Variants in PEBP4 observed in about 807,000 individuals in gnomAD.
PEBP4 encodes phosphatidylethanolamine binding protein 4, also known as phosphatidylethanolamine-binding protein 4.
PEBP4 carries 22 observed loss-of-function variants against 23.9 expected under a neutral mutation model. The observed-to-expected ratio is 0.92, with a 90% CI of 0.66 to 1.31. The LOEUF (loss-of-function observed/expected upper bound fraction) is 1.31. PEBP4 is among the 40% of genes most tolerant of loss of function. The pLI is 0.00. For synonymous variants in PEBP4, 112 were observed against 99.3 expected, an observed-to-expected ratio of 1.13 and a Z score of -0.76; for missense variants, 324 against 281.7, an observed-to-expected ratio of 1.15 and a Z score of -1.07.
intron 3 of PEBP4, among the ~76,000 whole-genome samples, chr8:22,851,332 G>A (rs1807544922): frequency 6.6e-6 from 1 of 152,152 alleles, no homozygotes; most frequent in Non-Finnish European, 1.5e-5. Flanking sequence ...GCCTTTCTTT[G>A]TGACTTTGCA....
At chr8:22,728,556 CTTT>C in intron 4 of PEBP4, among the ~76,000 whole-genome samples, 9 of 81,250 alleles carry the variant, frequency 1.1e-4, no homozygotes, top group African/African-American at 2.5e-4. Flanking sequence ...TTCTTTCTTT[CTTT>C]CTTCCTTCCT....
At chr8:22,768,986 G>T (rs1805663761) in intron 4 of PEBP4, among the ~76,000 whole-genome samples, 1 of 152,208 alleles carries the variant, frequency 6.6e-6, no homozygotes, top group Non-Finnish European at 1.5e-5. Context: ...GTGGGTTTCT[G>T]GGAGCTGAGA....
chr8:22,723,542 T>C (rs764443904), intron 6 of PEBP4, among the ~76,000 whole-genome samples: 1 of 152,032 alleles, frequency 6.6e-6, no homozygotes, highest in African/African-American at 2.4e-5. Context: ...GAGAACCCCA[T>C]GGGTGGGAGA....
In PEBP4 at chr8:22,927,868, G is replaced by A. The variant is rs1259430816; in HGVS notation, c.-52C>T. ...AAGGACAGGCAGCTTCCAGGGCTCCGCAGCTAATCCAGTCCACCACCCGGA... is the reference window on the plus strand; with the variant it reads ...AAGGACAGGCAGCTTCCAGGGCTCCACAGCTAATCCAGTCCACCACCCGGA... On this transcript the variant is annotated 5_prime_UTR_variant, in exon 1 of 7. Transcript: ENST00000256404. The A allele has an allele frequency of 1.9e-5, 17 of 882,070 alleles. No homozygotes were observed. The highest frequency in any genetic ancestry group is 3.3e-4 in the Middle Eastern group (1 of 3,072). 54.6% of individuals were successfully genotyped at this position (882,070 alleles called of 1,614,324 possible). A position where few individuals can be genotyped will look rare whatever the true frequency, so the allele number is the denominator to read the frequency against.
intron 4 of PEBP4, among the ~76,000 whole-genome samples, chr8:22,781,607 C>T (rs1805916732): frequency 1.3e-5 from 2 of 152,112 alleles, no homozygotes; most frequent in Admixed American, 6.5e-5. Context: ...TAGGAGTTCC[C>T]TCCCCCTGTA....
At chr8:22,918,668 C>G (rs1809131293) in intron 3 of PEBP4, among the ~76,000 whole-genome samples, 1 of 152,236 alleles carries the variant, frequency 6.6e-6, no homozygotes, top group Non-Finnish European at 1.5e-5. Flanking sequence ...AAGCATCCGA[C>G]TGACCCTCAC....
At chr8:22,750,421 C>G (rs556559070) in intron 4 of PEBP4, among the ~76,000 whole-genome samples, 14 of 152,200 alleles carry the variant, frequency 9.2e-5, no homozygotes, top group Non-Finnish European at 2.1e-4. Flanking sequence ...CTTTATGATA[C>G]ATTAATGCTT....
intron 3 of PEBP4, among the ~76,000 whole-genome samples, chr8:22,846,579 G>A (rs1013688957): frequency 1.3e-5 from 2 of 152,176 alleles, no homozygotes; most frequent in African/African-American, 4.8e-5. Context: ...TCTTGGAGAG[G>A]AGAAGGCCAG....
At chr8:22,920,156 C>A (rs1183598125) in intron 3 of PEBP4, 28 bp downstream of exon 3, 2 of 1,594,044 alleles carry the variant, frequency 1.3e-6, no homozygotes, top group South Asian at 1.1e-5. Flanking sequence ...AACTGTCCCC[C>A]CGCTTTAACA....
chr8:22,837,104 A>G (rs746814688), intron 3 of PEBP4, among the ~76,000 whole-genome samples: 6 of 152,148 alleles, frequency 3.9e-5, no homozygotes, highest in Non-Finnish European at 5.9e-5. Flanking sequence ...GTCACGCCCA[A>G]TTCTTACTGA....
rs184901911 is a variant in PEBP4, at chr8:22,799,136, G to A, written c.357+18501C>T. ...GTGCAGAGGAATCTGCATGGACTTT[G>A]CAGGGAGACACAGTGAAGGGCAGAT... On this transcript the variant is annotated intron_variant, in intron 4 of 6. Transcript: ENST00000256404. Among the ~76,000 whole-genome samples, 3 of 152,282 alleles carry A rather than the reference G, an allele frequency of 2.0e-5. No homozygotes were observed. In the East Asian group the frequency reaches 5.8e-4, roughly 29 times the overall value.
intron 3 of PEBP4, among the ~76,000 whole-genome samples, chr8:22,898,631 C>G (rs540036958): frequency 6.6e-6 from 1 of 152,164 alleles, no homozygotes; most frequent in Admixed American, 6.5e-5. Flanking sequence ...GTTCCCCTCA[C>G]GCCCTGCACA....
intron 3 of PEBP4, among the ~76,000 whole-genome samples, chr8:22,827,993 G>T (rs1369554170): frequency 6.6e-6 from 1 of 152,068 alleles, no homozygotes; most frequent in African/African-American, 2.4e-5. Context: ...TCCTTTTCAT[G>T]TCCTTATTGA....
intron 6 of PEBP4, among the ~76,000 whole-genome samples, chr8:22,718,191 G>A (rs944408795): frequency 2.6e-5 from 4 of 152,094 alleles, no homozygotes; most frequent in South Asian, 2.1e-4. Context: ...GGTGACCTGC[G>A]TCTCCTCTGG....
chr8:22,738,466 G>C (rs1279159426), intron 4 of PEBP4, among the ~76,000 whole-genome samples: 3 of 152,204 alleles, frequency 2.0e-5, no homozygotes, highest in African/African-American at 7.2e-5. Flanking sequence ...CTCGGTGATG[G>C]GAGCAAGGGA....
intron 4 of PEBP4, among the ~76,000 whole-genome samples, chr8:22,742,735 CAG>C (rs140848195): frequency 1.3e-5 from 2 of 152,050 alleles, no homozygotes; most frequent in African/African-American, 4.8e-5. Flanking sequence ...TGGAAAAAGG[CAG>C]AGAGAGAGAG....
chr8:22,727,173 A>G lies in PEBP4; in HGVS notation c.403+2T>C. The stretch of plus-strand genomic sequence containing the variant: ...GGAAGGGGTCCCTAGGGTCTTACTC[A>G]CCTGATAACTCCTGGCCCTGAATCT... On this transcript the variant is annotated splice_donor_variant, in intron 5 of 6. Coordinates refer to ENST00000256404, the MANE Select transcript of PEBP4 (RefSeq NM_144962.3). LOFTEE classifies it high-confidence loss of function. 6.2e-7 allele frequency: 1 copy of G among 1,613,912 alleles called. No homozygotes were observed. Among genetic ancestry groups the G allele is most frequent in the East Asian group, 2.2e-5 (1 of 44,872 alleles).
In PEBP4 at chr8:22,724,947, G is replaced by A; in HGVS notation, c.413C>T (p.Ala138Val). 1 of 1,612,962 alleles carries A rather than the reference G, an allele frequency of 6.2e-7. No individual in the cohort carries two copies. The highest frequency in any genetic ancestry group is 8.5e-7 in the Non-Finnish European group (1 of 1,179,062). The change falls in exon 6 of 7, where the codon GCT becomes GTT. Residue 138 changes from alanine to valine, a missense_variant. Coordinates refer to ENST00000256404, the MANE Select transcript of PEBP4 (RefSeq NM_144962.3). The stretch of plus-strand genomic sequence containing the variant: ...GCCACTGTGTGCCGGTGGGGAGGGA[G>A]CCTGGTAGGCTATAGGTAGAAGCAG... ...IQGQELSAYQ[A>V]PSPPAHSGFH... is the part of the protein sequence containing the mutation.
At chr8:22,766,093 C>T (rs1805609840) in intron 4 of PEBP4, among the ~76,000 whole-genome samples, 1 of 152,252 alleles carries the variant, frequency 6.6e-6, no homozygotes, top group African/African-American at 2.4e-5. Context: ...TTGATGGACT[C>T]CCTAAACACT....
Sources: allele counts gnomAD v4.1 joint callset (sites outside exome capture counted in the v4.1 genomes callset), GRCh38; gene constraint gnomAD v4.1.1; transcripts MANE v1.5; gene names NCBI Gene and HGNC (gene_info 2026-07-23, HGNC 2026-07-21).